The following CACNA1E variants were observed in gnomAD, a reference collection of about 807,000 sequenced individuals.
The protein encoded by CACNA1E is calcium voltage-gated channel subunit alpha1 E.
A neutral mutation model predicts 259.2 loss-of-function variants in CACNA1E; 40 were observed. The ratio of observed to expected loss-of-function variants is 0.15; its 90% CI spans 0.12 to 0.20. CACNA1E has a LOEUF of 0.20. Among genes scored for constraint, CACNA1E ranks in the 10% least tolerant of loss-of-function variants. The pLI, the probability that CACNA1E is intolerant of heterozygous loss-of-function variation, is 1.00. For synonymous variants in CACNA1E, 1,104 were observed against 1,138.5 expected (o/e 0.97, Z 0.61); for missense variants, 1,874 against 3,040.1 (o/e 0.62, Z 9.02).
Position 181,732,064 on chromosome 1 carries a change from C to G in CACNA1E, c.2298-320C>G, listed in dbSNP as rs777516081. Among the ~76,000 whole-genome samples the G allele has an allele frequency of 6.6e-6, 1 of 151,808 alleles. No homozygotes were observed. Among genetic ancestry groups the G allele is most frequent in the African/African-American group, 2.4e-5 (1 of 41,312 alleles). On this transcript the variant is annotated intron_variant, in intron 19 of 47. Coordinates refer to ENST00000367573, the MANE Select transcript of CACNA1E (RefSeq NM_001205293.3). This position sits in a 1 kb window ranked among gnomAD's most constrained non-coding sequence, Gnocchi z 5.5. ...AGCAAGGAGAGCAGGGGAGTGAAGA[C>G]GTGGTAAGCCTGTGGATGGCTGCCC...
At chr1:181,639,434 C>T (rs972619306) in intron 6 of CACNA1E, among the ~76,000 whole-genome samples, 5 of 152,264 alleles carry the variant, frequency 3.3e-5, no homozygotes, top group Admixed American at 2.0e-4. Flanking sequence ...TTCTCCCCTT[C>T]GATACATGGA....
At chr1:181,396,106 G>T (rs1280692338) in intron 1 of CACNA1E, among the ~76,000 whole-genome samples, 1 of 152,174 alleles carries the variant, frequency 6.6e-6, no homozygotes, top group African/African-American at 2.4e-5. Flanking sequence ...TGCAGTTCTT[G>T]GCACCCTATT....
intron 1 of CACNA1E, among the ~76,000 whole-genome samples, chr1:181,365,796 A>C (rs936771079): frequency 2.0e-5 from 3 of 152,182 alleles, no homozygotes; most frequent in African/African-American, 7.2e-5. Flanking sequence ...AGGAAATGGC[A>C]CCTAGGCACA....
At position 181,699,472 on chromosome 1, in the gene CACNA1E, C is replaced by A. The variant is rs547933633; in HGVS notation, c.1056-11482C>A. 8.5e-5 allele frequency among the ~76,000 whole-genome samples: 13 copies of A among 152,252 alleles called. No homozygotes were observed. The South Asian group carries it at 2.7e-3, about 32-fold the overall frequency. On this transcript the variant is annotated intron_variant, in intron 7 of 47. Transcript: ENST00000367573. ...CCAGTGGTCGGGAAGAGAGACAGAGCAGATCTATGGAGGGTCTCATAGGCC... is the reference window on the plus strand; with the variant it reads ...CCAGTGGTCGGGAAGAGAGACAGAGAAGATCTATGGAGGGTCTCATAGGCC...
At chr1:181,621,722 C>T (rs199950) in intron 6 of CACNA1E, among the ~76,000 whole-genome samples, 110,557 of 152,042 alleles carry the variant, frequency 0.73, 41,809 homozygotes, top group East Asian at 0.95. Flanking sequence ...CTGTATCACA[C>T]GAGTTTTTTT....
intron 2 of CACNA1E, among the ~76,000 whole-genome samples, chr1:181,465,253 T>G (rs1199222420): frequency 2.0e-5 from 3 of 152,186 alleles, no homozygotes; most frequent in Non-Finnish European, 4.4e-5. Context: ...TTAAGATTTT[T>G]TCCTTCATAT....
chr1:181,720,451 T>C, intron 14 of CACNA1E, 114 bp downstream of exon 14: 1 of 1,158,604 alleles, frequency 8.6e-7, no homozygotes, highest in Admixed American at 2.2e-5. Context: ...CCTTTGCCCA[T>C]GGCCTGAATT....
intron 2 of CACNA1E, among the ~76,000 whole-genome samples, chr1:181,475,905 AG>A (rs1662815039): frequency 6.6e-6 from 1 of 152,016 alleles, no homozygotes; most frequent in Admixed American, 6.5e-5. Context: ...TGTGGTGTGG[AG>A]GGGGTAGTTG....
chr1:181,409,711 G>A (rs535287681), intron 1 of CACNA1E, among the ~76,000 whole-genome samples: 3 of 152,254 alleles, frequency 2.0e-5, no homozygotes, highest in South Asian at 2.1e-4. Context: ...GGGACTGATC[G>A]GCTTGGCAAG....
At position 181,798,505 on chromosome 1, in the gene CACNA1E, G is replaced by C; in HGVS notation, c.6613G>C (p.Ala2205Pro). Residue 2205 changes from alanine (A) to proline (P), a missense_variant, in exon 48 of 48, where the codon GCT (alanine) becomes CCT (proline). Physicochemically the swap from Ala to Pro is conservative, Grantham distance 27. Transcript: ENST00000367573. The surrounding 1 kb of genome is among the most constrained non-coding windows in gnomAD (Gnocchi z 4.2). ...CTCCCAAGCTCTGGAGAGCAACAAT[G>C]CTTGCCTGACCGAGTCTTCCAACTC... ...LTSQALESNN[A>P]CLTESSNSPH... 2 of 1,613,900 alleles carry C rather than the reference G, an allele frequency of 1.2e-6. No homozygotes were observed. The highest frequency in any genetic ancestry group is 1.7e-6 in the Non-Finnish European group (2 of 1,179,888).
At chr1:181,603,007 A>G (rs1653885632) in intron 6 of CACNA1E, among the ~76,000 whole-genome samples, 1 of 152,134 alleles carries the variant, frequency 6.6e-6, no homozygotes. Context: ...AACAAGCCTT[A>G]AACACCTCAT....
At chr1:181,640,717 G>A (rs2101998327) in intron 6 of CACNA1E, among the ~76,000 whole-genome samples, 1 of 152,320 alleles carries the variant, frequency 6.6e-6, no homozygotes, top group African/African-American at 2.4e-5. Flanking sequence ...CTTGCTGTAT[G>A]TCAACAGAGA....
At chr1:181,487,271 G>A (rs1316214534) in intron 1 of CACNA1E, among the ~76,000 whole-genome samples, 1 of 152,160 alleles carries the variant, frequency 6.6e-6, no homozygotes, top group Admixed American at 6.5e-5. Flanking sequence ...AATCATGTTT[G>A]TCTGAAAAGA....
At chr1:181,749,446 A>T (rs1657395567) in intron 25 of CACNA1E, among the ~76,000 whole-genome samples, 1 of 152,204 alleles carries the variant, frequency 6.6e-6, no homozygotes, top group Non-Finnish European at 1.5e-5. Context: ...TGTTTGACAG[A>T]ACCTTGAACT....
At chr1:181,567,665 A>C (rs933454893) in intron 3 of CACNA1E, among the ~76,000 whole-genome samples, 1 of 152,186 alleles carries the variant, frequency 6.6e-6, no homozygotes. Flanking sequence ...GTTCTTGGAA[A>C]AGCACAGCAA....
intron 1 of CACNA1E, among the ~76,000 whole-genome samples, chr1:181,348,660 T>G (rs1385496168): frequency 1.3e-5 from 2 of 152,186 alleles, no homozygotes; most frequent in African/African-American, 4.8e-5. Flanking sequence ...CTGCACACTC[T>G]CTTCTAGGAG....
At chr1:181,357,942 G>A (rs1653578087) in intron 1 of CACNA1E, among the ~76,000 whole-genome samples, 1 of 152,178 alleles carries the variant, frequency 6.6e-6, no homozygotes, top group Non-Finnish European at 1.5e-5. Flanking sequence ...AGAAAAGGGA[G>A]GATGGAGCCT....
At chr1:181,478,683 A>G (rs1169995903), upstream of CACNA1E, among the ~76,000 whole-genome samples, 1 of 152,260 alleles carries the variant, frequency 6.6e-6, no homozygotes, top group East Asian at 1.9e-4. Context: ...GGAGGGGCAC[A>G]GGCCATTTGG....
chr1:181,779,252 C>T (rs1660214891), intron 38 of CACNA1E, among the ~76,000 whole-genome samples: 1 of 152,204 alleles, frequency 6.6e-6, no homozygotes. Flanking sequence ...TAGAAAATTG[C>T]AGCAGTGCAG....
Sources: gnomAD v4.1 joint callset for allele counts (sites outside exome capture counted in the v4.1 genomes callset) on GRCh38, gnomAD v4.1.1 for gene constraint, Gnocchi (gnomAD v3.1) non-coding constraint, MANE v1.5 for transcripts, NCBI Gene and HGNC (gene_info 2026-07-23, HGNC 2026-07-21) for gene names.